Variants in TENM2 observed in about 807,000 individuals in gnomAD.
The protein encoded by TENM2 is teneurin-2.
A neutral mutation model predicts 245.2 loss-of-function variants in TENM2; 52 were observed. That is an observed-to-expected ratio of 0.21 (90% CI 0.17 to 0.27). The LOEUF is 0.27. Ranked by LOEUF, TENM2 falls within the 10% of genes least tolerant of loss-of-function variation. TENM2 has a pLI of 1.00. For synonymous variants in TENM2, 1,363 were observed against 1,438.9 expected (o/e 0.95, Z 1.19); for missense variants, 3,046 against 3,666.8 (o/e 0.83, Z 4.37).
chr5:167,606,856 G>C (rs1187812900), intron 2 of TENM2, among the ~76,000 whole-genome samples: 1 of 152,174 alleles, frequency 6.6e-6, no homozygotes, highest in Non-Finnish European at 1.5e-5. Flanking sequence ...CATCTCTAAA[G>C]TATTGTAAAA....
intron 1 of TENM2, among the ~76,000 whole-genome samples, chr5:167,363,966 C>T (rs888880576): frequency 1.3e-5 from 2 of 151,712 alleles, no homozygotes; most frequent in Admixed American, 6.6e-5. Flanking sequence ...AAGTTTAGTA[C>T]ATAACAGTGA....
Position 168,195,575 on chromosome 5 carries a change from TG to T in TENM2, c.2900+281del, listed in dbSNP as rs1220248273. ...ACGTGTGTGTGTGTGTGTGTGTGTGTGTGTGTGTGTGTGTGTGTGTGTGTGT... is the reference window on the plus strand; with the variant it reads ...ACGTGTGTGTGTGTGTGTGTGTGTGTTGTGTGTGTGTGTGTGTGTGTGTGT... On this transcript the variant is annotated intron_variant, in intron 15 of 28. Transcript: ENST00000518659. Among the ~76,000 whole-genome samples, 251 of 127,158 alleles carry T rather than the reference TG, an allele frequency of 2.0e-3. 2 individuals carry two copies. Among genetic ancestry groups the T allele is most frequent in the Non-Finnish European group, 2.8e-3 (170 of 61,808 alleles). The allele number at this position is 127,158 out of a possible 152,430, so 83.4% of individuals were successfully genotyped here. A position where few individuals can be genotyped will look rare whatever the true frequency, so the allele number is the denominator to read the frequency against.
the TENM2 span, among the ~76,000 whole-genome samples, chr5:167,253,413 C>T: frequency 6.6e-6 from 1 of 151,872 alleles, no homozygotes; most frequent in Admixed American, 6.6e-5. Flanking sequence ...GTCCTAACCT[C>T]TGTTAGTCTT....
At chr5:168,180,160 C>A (rs550108297) in intron 13 of TENM2, among the ~76,000 whole-genome samples, 30 of 152,298 alleles carry the variant, frequency 2.0e-4, no homozygotes, top group South Asian at 8.3e-4. Flanking sequence ...TATGGCTGGT[C>A]CTTCCAAGAA....
intron 1 of TENM2, among the ~76,000 whole-genome samples, chr5:167,325,873 A>G (rs1266753033): frequency 6.6e-6 from 1 of 152,166 alleles, no homozygotes; most frequent in African/African-American, 2.4e-5. Flanking sequence ...GAACTTGTAA[A>G]TTTTTTAAAA....
At chr5:167,418,254 C>T (rs187465744) in intron 2 of TENM2, among the ~76,000 whole-genome samples, 8 of 151,158 alleles carry the variant, frequency 5.3e-5, no homozygotes, top group East Asian at 3.9e-4. Flanking sequence ...GCTTGAACCC[C>T]GGAGGTGGAG....
intron 5 of TENM2, among the ~76,000 whole-genome samples, chr5:168,042,279 G>A (rs994951818): frequency 7.2e-5 from 11 of 152,020 alleles, no homozygotes; most frequent in South Asian, 2.1e-4. Flanking sequence ...TCTCCTCCTC[G>A]CGTTATGTAT....
At chr5:167,637,721 C>G (rs938257370) in intron 2 of TENM2, among the ~76,000 whole-genome samples, 1 of 152,032 alleles carries the variant, frequency 6.6e-6, no homozygotes, top group Non-Finnish European at 1.5e-5. Context: ...GAACAGAAAA[C>G]CAAACACTGC....
intron 2 of TENM2, among the ~76,000 whole-genome samples, chr5:167,626,373 C>T (rs1166476295): frequency 6.6e-6 from 1 of 151,968 alleles, no homozygotes; most frequent in African/African-American, 2.4e-5. Context: ...CCCAAATTGG[C>T]TGTTATACTT....
chr5:167,710,687 G>A (rs1414253288), intron 2 of TENM2, among the ~76,000 whole-genome samples: 1 of 152,078 alleles, frequency 6.6e-6, no homozygotes, highest in Admixed American at 6.6e-5. Flanking sequence ...ATTTCAAAGA[G>A]CCTTTTTGGG....
intron 2 of TENM2, among the ~76,000 whole-genome samples, chr5:167,601,365 C>A (rs926055688): frequency 1.3e-5 from 2 of 152,230 alleles, no homozygotes; most frequent in African/African-American, 4.8e-5. Flanking sequence ...TCTTTAATTT[C>A]AACTAATTTA....
At chr5:168,123,211 A>G (rs1795599718) in intron 10 of TENM2, among the ~76,000 whole-genome samples, 1 of 152,088 alleles carries the variant, frequency 6.6e-6, no homozygotes, top group Non-Finnish European at 1.5e-5. Context: ...AGGCAGTAGG[A>G]TCACTTGAGC....
the TENM2 span, among the ~76,000 whole-genome samples, chr5:167,256,346 C>T: frequency 6.6e-6 from 1 of 152,038 alleles, no homozygotes; most frequent in South Asian, 2.1e-4. Flanking sequence ...ACCCCCATGA[C>T]AAATAAAATA....
intron 5 of TENM2, among the ~76,000 whole-genome samples, chr5:168,028,813 A>G (rs1786851029): frequency 6.6e-6 from 1 of 151,958 alleles, no homozygotes; most frequent in South Asian, 2.1e-4. Flanking sequence ...AAAAAAAAAA[A>G]AAAAATGGGC....
chr5:167,248,191 T>C, the TENM2 span, among the ~76,000 whole-genome samples: 7,386 of 152,170 alleles, frequency 0.049, 608 homozygotes, highest in African/African-American at 0.17. Context: ...GCTGTAAGAG[T>C]TCTTTTTTGT....
intron 2 of TENM2, among the ~76,000 whole-genome samples, chr5:167,481,731 G>A (rs781706992): frequency 6.6e-6 from 1 of 152,174 alleles, no homozygotes; most frequent in Non-Finnish European, 1.5e-5. Context: ...TAGTAACACT[G>A]ACTTTGAGCC....
intron 3 of TENM2, among the ~76,000 whole-genome samples, chr5:167,896,213 G>C (rs1008363399): frequency 3.3e-5 from 5 of 152,216 alleles, no homozygotes; most frequent in African/African-American, 1.2e-4. Context: ...ATGATCAGTA[G>C]TCAGCTGGGG....
intron 2 of TENM2, among the ~76,000 whole-genome samples, chr5:167,713,428 C>T (rs896690049): frequency 2.0e-5 from 3 of 151,732 alleles, no homozygotes; most frequent in South Asian, 2.1e-4. Flanking sequence ...AATCATTTCA[C>T]GAATTTGGGC....
chr5:168,119,686 C>T (rs899088951), intron 10 of TENM2, among the ~76,000 whole-genome samples: 5 of 152,190 alleles, frequency 3.3e-5, no homozygotes, highest in African/African-American at 1.2e-4. Flanking sequence ...AGCTGAGGCT[C>T]CTTTTCTCTA....
Sources: allele counts gnomAD v4.1 joint callset (sites outside exome capture counted in the v4.1 genomes callset), GRCh38; gene constraint gnomAD v4.1.1; transcripts MANE v1.5; gene names NCBI Gene and HGNC (gene_info 2026-07-23, HGNC 2026-07-21).